Variants in BABAM2 observed in about 807,000 individuals in gnomAD.
BABAM2 encodes the protein BRISC and BRCA1-A complex member 2.
BABAM2 carries 31 observed loss-of-function variants against 54.7 expected under a neutral mutation model. That is an observed-to-expected ratio of 0.57 (90% CI 0.43 to 0.77). BABAM2 has a LOEUF of 0.77. Ranked by LOEUF, BABAM2 falls within the 30% of genes least tolerant of loss-of-function variation. The pLI, the probability that BABAM2 is intolerant of heterozygous loss-of-function variation, is 0.00. For missense variants in BABAM2, 364 were observed against 455.8 expected, an observed-to-expected ratio of 0.80 and a Z score of 1.83; for synonymous variants, 167 against 162.9, an observed-to-expected ratio of 1.03 and a Z score of -0.19.
At chr2:28,201,114 G>A (rs1678223888) in intron 7 of BABAM2, among the ~76,000 whole-genome samples, 1 of 152,084 alleles carries the variant, frequency 6.6e-6, no homozygotes, top group Admixed American at 6.5e-5. Flanking sequence ...GGAAATTTTG[G>A]TAATAACCAA....
Position 28,304,442 on chromosome 2 carries a change from TTTA to T in BABAM2, c.1088+5954_1088+5956del, listed in dbSNP as rs1688352815. Reference sequence around the variant, plus strand: ...AAAATATAAACAAAATTTTTAAAAATTTATTTTCTAGTTTGTTGCTGGTATACA... The same window carrying T: ...AAAATATAAACAAAATTTTTAAAAATTTTTCTAGTTTGTTGCTGGTATACA... On this transcript the variant is annotated intron_variant, in intron 11 of 11. Coordinates refer to ENST00000379624, the MANE Select transcript of BABAM2 (RefSeq NM_199191.3). The surrounding 1 kb of genome is among the most constrained non-coding windows in gnomAD (Gnocchi z 4.0). Among the ~76,000 whole-genome samples, 2 of 151,006 alleles carry T rather than the reference TTTA, an allele frequency of 1.3e-5. No individual in the cohort carries two copies. The highest frequency in any genetic ancestry group is 3.0e-5 in the Non-Finnish European group (2 of 67,742).
chr2:28,181,592 C>T (rs571323297), intron 7 of BABAM2, among the ~76,000 whole-genome samples: 1 of 151,902 alleles, frequency 6.6e-6, no homozygotes, highest in Non-Finnish European at 1.5e-5. Flanking sequence ...ATGATAAATA[C>T]TCAAAGTGAT....
At chr2:28,007,188 A>G (rs1674039406) in intron 4 of BABAM2, among the ~76,000 whole-genome samples, 1 of 152,064 alleles carries the variant, frequency 6.6e-6, no homozygotes, top group South Asian at 2.1e-4. Flanking sequence ...CACTGGATTA[A>G]GAAAGCCTGA....
At chr2:28,198,027 A>T (rs889527677) in intron 7 of BABAM2, among the ~76,000 whole-genome samples, 1 of 152,184 alleles carries the variant, frequency 6.6e-6, no homozygotes, top group East Asian at 1.9e-4. Context: ...CCAAATTGCA[A>T]TAGCCTCCAT....
intron 11 of BABAM2, among the ~76,000 whole-genome samples, chr2:28,321,366 C>T (rs1206190243): frequency 1.3e-5 from 2 of 152,146 alleles, no homozygotes; most frequent in African/African-American, 4.8e-5. Flanking sequence ...GAATGATTGC[C>T]ACGTGTTCCT....
At chr2:28,337,636 C>G (rs1046652097) in intron 11 of BABAM2, among the ~76,000 whole-genome samples, 1 of 152,240 alleles carries the variant, frequency 6.6e-6, no homozygotes, top group African/African-American at 2.4e-5. Context: ...AGCTTTCTTT[C>G]CAGTAGACCA....
At chr2:27,901,485 T>A (rs1248577097) in intron 2 of BABAM2, among the ~76,000 whole-genome samples, 1 of 152,222 alleles carries the variant, frequency 6.6e-6, no homozygotes, top group Non-Finnish European at 1.5e-5. Flanking sequence ...TTGCATTTTT[T>A]TGTCCATGTT....
chr2:28,301,062 T>C (rs1337180237), intron 11 of BABAM2, among the ~76,000 whole-genome samples: 1 of 152,128 alleles, frequency 6.6e-6, no homozygotes, highest in Non-Finnish European at 1.5e-5. Flanking sequence ...AGACAAAGGA[T>C]GGAAAGAGAG....
In BABAM2 at chr2:28,264,072, C is replaced by T. The variant is rs11674072; in HGVS notation, c.934+19210C>T. On this transcript the variant is annotated intron_variant, in intron 10 of 11. Transcript: ENST00000379624. ...CAATTTTTGCTCTAAACCATTGTCTCGTTTCAGCTTTGTTTTCCAATAAAG... is the reference window on the plus strand; with the variant it reads ...CAATTTTTGCTCTAAACCATTGTCTTGTTTCAGCTTTGTTTTCCAATAAAG... Among the ~76,000 whole-genome samples the T allele has an allele frequency of 1.1e-3, 161 of 152,206 alleles. 2 individuals carry two copies. Among genetic ancestry groups the T allele is most frequent in the South Asian group, 8.3e-4 (4 of 4,834 alleles).
chr2:27,991,138 T>C (rs888679056), intron 4 of BABAM2, among the ~76,000 whole-genome samples: 5 of 152,302 alleles, frequency 3.3e-5, no homozygotes, highest in African/African-American at 1.2e-4. Flanking sequence ...TTAAAATAAA[T>C]TGAAAAGCCT....
chr2:27,974,498 G>T (rs1254907251), intron 3 of BABAM2, among the ~76,000 whole-genome samples: 1 of 151,958 alleles, frequency 6.6e-6, no homozygotes, highest in South Asian at 2.1e-4. Flanking sequence ...ACTAATACAA[G>T]ATAAACTGTA....
intron 10 of BABAM2, among the ~76,000 whole-genome samples, chr2:28,276,275 C>T (rs879343790): frequency 4.6e-5 from 7 of 151,732 alleles, no homozygotes; most frequent in African/African-American, 1.5e-4. Context: ...AGCAAGGGGT[C>T]GGTTGGTACT....
chr2:28,006,060 TATGTC>T, intron 4 of BABAM2, among the ~76,000 whole-genome samples: 1 of 152,134 alleles, frequency 6.6e-6, no homozygotes, highest in Admixed American at 6.5e-5. Flanking sequence ...TTGTGATTGT[TATGTC>T]AAGTCTTTTT....
At chr2:28,170,919 C>T (rs1005168419) in intron 7 of BABAM2, among the ~76,000 whole-genome samples, 9 of 152,132 alleles carry the variant, frequency 5.9e-5, no homozygotes, top group South Asian at 2.1e-4. Flanking sequence ...GTAAAGAACA[C>T]GGTATAAAAG....
At chr2:27,901,422 A>G (rs1004398865) in intron 2 of BABAM2, among the ~76,000 whole-genome samples, 9 of 152,226 alleles carry the variant, frequency 5.9e-5, no homozygotes, top group Non-Finnish European at 1.2e-4. Flanking sequence ...TCACTGGCAC[A>G]TGGCTGTGTT....
intron 7 of BABAM2, among the ~76,000 whole-genome samples, chr2:28,189,029 C>T (rs1030251753): frequency 2.0e-5 from 3 of 152,008 alleles, no homozygotes; most frequent in African/African-American, 7.3e-5. Flanking sequence ...GGTGAAACCC[C>T]GTCTCCACTA....
chr2:28,000,540 G>C (rs1474436547), intron 4 of BABAM2, among the ~76,000 whole-genome samples: 1 of 152,166 alleles, frequency 6.6e-6, no homozygotes, highest in Non-Finnish European at 1.5e-5. Context: ...TTGCTACCCT[G>C]TAAAGCTACT....
At chr2:27,891,544 A>G (rs1311305650) in intron 1 of BABAM2, among the ~76,000 whole-genome samples, 2 of 152,158 alleles carry the variant, frequency 1.3e-5, no homozygotes, top group African/African-American at 4.8e-5. Context: ...CACCGTAAAT[A>G]TTTGTATATC....
intron 10 of BABAM2, among the ~76,000 whole-genome samples, chr2:28,267,210 A>G (rs779124197): frequency 4.6e-5 from 7 of 152,144 alleles, no homozygotes; most frequent in Admixed American, 6.5e-5. Context: ...TGTACCCTTC[A>G]CCCACTTTCT....
Sources: allele counts gnomAD v4.1 joint callset (sites outside exome capture counted in the v4.1 genomes callset), GRCh38; gene constraint gnomAD v4.1.1; non-coding constraint Gnocchi (gnomAD v3.1); transcripts MANE v1.5; gene names NCBI Gene and HGNC (gene_info 2026-07-23, HGNC 2026-07-21).